The following SGTA variants were observed in gnomAD, a reference collection of about 807,000 sequenced individuals.
The protein encoded by SGTA is small glutamine-rich tetratricopeptide repeat-containing protein alpha.
In SGTA, 22 loss-of-function variants were observed where a neutral mutation model predicts 44.3. That is an observed-to-expected ratio of 0.50 (90% CI 0.36 to 0.71). SGTA has a LOEUF of 0.71. Among genes scored for constraint, SGTA ranks in the 30% least tolerant of loss-of-function variants. The pLI, the probability that SGTA is intolerant of heterozygous loss-of-function variation, is 0.00. For synonymous variants in SGTA, 174 were observed against 177.6 expected (o/e 0.98, Z 0.16); for missense variants, 341 against 435.9 (o/e 0.78, Z 1.94).
At chr19:2,782,421 C>G (rs1568315128) in intron 1 of SGTA, 1 of 152,244 alleles carries the variant, frequency 6.6e-6, no homozygotes, top group Non-Finnish European at 1.5e-5. Context: ...AACAGCTATT[C>G]TCAAGCCAGC....
In SGTA at chr19:2,761,638, C is replaced by G. The variant is rs373268764; in HGVS notation, c.637-116G>C. On this transcript the variant is annotated intron_variant, in intron 7 of 11. Coordinates refer to ENST00000221566, the MANE Select transcript of SGTA (RefSeq NM_003021.4). This position sits in a 1 kb window ranked among gnomAD's most constrained non-coding sequence, Gnocchi z 5.7. Reference sequence around the variant, plus strand: ...GGGCTCAGACATTCTATCAACCCTGCGGCCAGAGGGTGCTTTGAGGCAGGC... The same window carrying G: ...GGGCTCAGACATTCTATCAACCCTGGGGCCAGAGGGTGCTTTGAGGCAGGC... 12 of 850,536 alleles carry G rather than the reference C, an allele frequency of 1.4e-5. No homozygotes were observed. Among genetic ancestry groups the G allele is most frequent in the African/African-American group, 3.4e-5 (2 of 59,572 alleles). The allele number at this position is 850,536 out of a possible 1,614,324, so 52.7% of individuals were successfully genotyped here. A position where few individuals can be genotyped will look rare whatever the true frequency, so the allele number is the denominator to read the frequency against.
chr19:2,778,501 C>CG (rs893774678), intron 1 of SGTA, among the ~76,000 whole-genome samples: 14 of 152,018 alleles, frequency 9.2e-5, no homozygotes, highest in African/African-American at 2.4e-4. Flanking sequence ...AACACCGCCC[C>CG]CCCCGGCCCC....
Position 2,755,651 on chromosome 19 carries a change from G to A in SGTA, c.*289C>T, listed in dbSNP as rs1165446614. ...GGCCCGGGAGCACCCCAGGATTCTA[G>A]AAAACACTCAAGTGACCGAGCTTTC... On this transcript the variant is annotated 3_prime_UTR_variant, in exon 12 of 12. Coordinates refer to ENST00000221566, the MANE Select transcript of SGTA (RefSeq NM_003021.4). The surrounding 1 kb of genome is among the most constrained non-coding windows in gnomAD (Gnocchi z 5.2). 4.1e-6 allele frequency: 4 copies of A among 985,418 alleles called. No homozygotes were observed. In the African/African-American group the frequency reaches 7.0e-5, roughly 17 times the overall value. 61.0% of individuals were successfully genotyped at this position (985,418 alleles called of 1,614,324 possible).
Position 2,762,582 on chromosome 19 carries a change from T to A in SGTA, c.560A>T (p.Glu187Val). ...GTATGTCTCGTTGTCGGGGTCCAGCTCCAGAGCCTTCTTGTAGTAAGCCAC... is the reference window on the plus strand; with the variant it reads ...GTATGTCTCGTTGTCGGGGTCCAGCACCAGAGCCTTCTTGTAGTAAGCCAC... The part of the protein sequence containing the change: ...EAVAYYKKAL[E>V]LDPDNETYKS... The change falls in exon 7 of 12, where the codon GAG becomes GTG. Residue 187 changes from glutamate (E) to valine (V), a missense_variant. Glu to Val is a moderately radical substitution (Grantham distance 121). Coordinates refer to ENST00000221566, the MANE Select transcript of SGTA (RefSeq NM_003021.4). 6.2e-7 allele frequency: 1 copy of A among 1,614,072 alleles called. No homozygotes were observed. The highest frequency in any genetic ancestry group is 8.5e-7 in the Non-Finnish European group (1 of 1,179,982).
chr19:2,754,752 C>A lies in SGTA; in HGVS notation c.*1188G>T, dbSNP rs904452634. The A allele has an allele frequency of 2.0e-5, 3 of 152,220 alleles. No homozygotes were observed. The highest frequency in any genetic ancestry group is 4.8e-5 in the African/African-American group (2 of 41,436). 9.4% of individuals were successfully genotyped at this position (152,220 alleles called of 1,614,324 possible). On this transcript the variant is annotated 3_prime_UTR_variant, in exon 12 of 12. Coordinates refer to ENST00000221566, the MANE Select transcript of SGTA (RefSeq NM_003021.4). This position sits in a 1 kb window ranked among gnomAD's most constrained non-coding sequence, Gnocchi z 4.4. ...CCTATTTATTCCCCACACGTCACGC[C>A]CTGCACCCCGGGTGGGCTTGGCACA...
chr19:2,764,326 A>G (rs1333690790), intron 5 of SGTA, among the ~76,000 whole-genome samples: 1 of 152,174 alleles, frequency 6.6e-6, no homozygotes, highest in Admixed American at 6.5e-5. Flanking sequence ...ACAACCCTCC[A>G]CATACTGGAT....
At chr19:2,782,348 G>A (rs1457991436) in intron 1 of SGTA, among the ~76,000 whole-genome samples, 1 of 152,196 alleles carries the variant, frequency 6.6e-6, no homozygotes, top group Admixed American at 6.6e-5. Context: ...AAAAGAAAAT[G>A]GGACAATCAT....
intron 2 of SGTA, among the ~76,000 whole-genome samples, chr19:2,768,133 G>A (rs1448685748): frequency 1.3e-5 from 2 of 152,152 alleles, no homozygotes; most frequent in Non-Finnish European, 2.9e-5. Flanking sequence ...GTCTGTACCA[G>A]GGCAGGACCA....
intron 1 of SGTA, among the ~76,000 whole-genome samples, chr19:2,780,807 C>T (rs1449637666): frequency 1.3e-5 from 2 of 152,204 alleles, no homozygotes; most frequent in Non-Finnish European, 2.9e-5. Context: ...AGAAAACGGG[C>T]CAGGTGCAGT....
chr19:2,758,260 G>A (rs1267698997), intron 9 of SGTA, among the ~76,000 whole-genome samples: 1 of 152,216 alleles, frequency 6.6e-6, no homozygotes, highest in African/African-American at 2.4e-5. Context: ...CAGCCGCGGT[G>A]GCTCACACCT....
intron 10 of SGTA, 60 bp downstream of exon 10, chr19:2,757,633 C>T (rs534331996): frequency 1.9e-4 from 273 of 1,462,490 alleles, no homozygotes; most frequent in Non-Finnish European, 2.3e-4. Context: ...CCTTCCCTTC[C>T]GCCTGCGAGC....
rs1302078356 is a variant in SGTA, at chr19:2,763,637, G to A, written c.497+16C>T. On this transcript the variant is annotated intron_variant, in intron 6 of 11. Transcript: ENST00000221566. The surrounding 1 kb of genome is among the most constrained non-coding windows in gnomAD (Gnocchi z 5.8). ...CCCGAGAGACTGGAAAGGCGCGGCC[G>A]TGGACAGGCACTCACCCCATCCTGC... 8 of 1,581,508 alleles carry A rather than the reference G, an allele frequency of 5.1e-6. No individual in the cohort carries two copies. Among genetic ancestry groups the A allele is most frequent in the Admixed American group, 3.4e-5 (2 of 59,424 alleles).
At chr19:2,769,197 A>T (rs965806951) in intron 1 of SGTA, 106 bp from the exon 2 acceptor site, 1 of 658,354 alleles carries the variant, frequency 1.5e-6, no homozygotes, top group African/African-American at 1.8e-5. Context: ...GTGCTGGCTG[A>T]TCTCAGCTCC....
intron 4 of SGTA, among the ~76,000 whole-genome samples, chr19:2,766,340 C>T (rs929493381): frequency 6.6e-6 from 1 of 152,240 alleles, no homozygotes; most frequent in Admixed American, 6.5e-5. Context: ...CACCCATCCA[C>T]ATTCCACCGT....
In SGTA at chr19:2,761,614, G is replaced by C; in HGVS notation, c.637-92C>G. ...ACTCAGAAACAACGGCCCCCCACGG[G>C]GCTCAGACATTCTATCAACCCTGCG... On this transcript the variant is annotated intron_variant, in intron 7 of 11. Transcript: ENST00000221566. The surrounding 1 kb of genome is among the most constrained non-coding windows in gnomAD (Gnocchi z 5.7). The C allele has an allele frequency of 1.9e-6, 2 of 1,056,238 alleles. No homozygotes were observed. The highest frequency in any genetic ancestry group is 2.7e-5 in the South Asian group (2 of 73,690). The allele number at this position is 1,056,238 out of a possible 1,614,324, so 65.4% of individuals were successfully genotyped here. A position where few individuals can be genotyped will look rare whatever the true frequency, so the allele number is the denominator to read the frequency against.
At position 2,780,705 on chromosome 19, in the gene SGTA, A is replaced by T. The variant is rs941378384; in HGVS notation, c.-24+2528T>A. Among the ~76,000 whole-genome samples, 63 of 152,346 alleles carry T rather than the reference A, an allele frequency of 4.1e-4. 1 individual carries two copies. Among genetic ancestry groups the T allele is most frequent in the African/African-American group, 1.4e-3 (59 of 41,576 alleles). ...CGTCTAAACCCTATGGACTCAGGAAAGCCTGCGATTGTTGAAAAATTCACA... is the reference window on the plus strand; with the variant it reads ...CGTCTAAACCCTATGGACTCAGGAATGCCTGCGATTGTTGAAAAATTCACA... On this transcript the variant is annotated intron_variant, in intron 1 of 11. Coordinates refer to ENST00000221566, the MANE Select transcript of SGTA (RefSeq NM_003021.4).
intron 2 of SGTA, among the ~76,000 whole-genome samples, chr19:2,768,430 G>A (rs1915210076): frequency 6.6e-6 from 1 of 152,154 alleles, no homozygotes; most frequent in African/African-American, 2.4e-5. Flanking sequence ...GGGGAAGGAG[G>A]ACCTAGAGCA....
Position 2,769,161 on chromosome 19 carries a change from C to G in SGTA, c.-23-70G>C. The stretch of plus-strand genomic sequence containing the variant: ...CACTCCAGGCACCCCAGGCCTGCCC[C>G]TAACTAGCTGGGCCTCACTTTAAGG... On this transcript the variant is annotated intron_variant, in intron 1 of 11. Transcript: ENST00000221566. 3 of 901,590 alleles carry G rather than the reference C, an allele frequency of 3.3e-6. No individual in the cohort carries two copies. In the South Asian group the frequency reaches 4.2e-5, roughly 13 times the overall value. The allele number at this position is 901,590 out of a possible 1,614,324, so 55.8% of individuals were successfully genotyped here.
chr19:2,761,121 C>T lies in SGTA; in HGVS notation c.699+339G>A, dbSNP rs1914977032. Among the ~76,000 whole-genome samples the T allele has an allele frequency of 6.6e-6, 1 of 152,198 alleles. No homozygotes were observed. The highest frequency in any genetic ancestry group is 2.4e-5 in the African/African-American group (1 of 41,448). On this transcript the variant is annotated intron_variant, in intron 8 of 11. Coordinates refer to ENST00000221566, the MANE Select transcript of SGTA (RefSeq NM_003021.4). This position sits in a 1 kb window ranked among gnomAD's most constrained non-coding sequence, Gnocchi z 5.7. ...AGTGTCTCTGCACTGCGAGGAGGAG[C>T]CCACGCCAGGGTGGGGTGGGGGTGT...
Sources: gnomAD v4.1 joint callset for allele counts (sites outside exome capture counted in the v4.1 genomes callset) on GRCh38, gnomAD v4.1.1 for gene constraint, Gnocchi (gnomAD v3.1) non-coding constraint, MANE v1.5 for transcripts, NCBI Gene and HGNC (gene_info 2026-07-23, HGNC 2026-07-21) for gene names.